Variants in CADPS2 observed in about 807,000 individuals in gnomAD.
CADPS2 encodes calcium dependent secretion activator 2, also known as calcium-dependent secretion activator 2.
CADPS2 carries 93 observed loss-of-function variants against 172.5 expected under a neutral mutation model. The observed-to-expected ratio is 0.54, with a 90% CI of 0.46 to 0.64. The LOEUF (loss-of-function observed/expected upper bound fraction) is 0.64. CADPS2 is among the 30% of genes least tolerant of loss of function. CADPS2 has a pLI of 0.00. For missense variants in CADPS2, 1,420 were observed against 1,565.9 expected (o/e 0.91, Z 1.57); for synonymous variants, 546 against 555.2 (o/e 0.98, Z 0.23).
At chr7:122,588,958 C>T (rs1175243356) in intron 6 of CADPS2, among the ~76,000 whole-genome samples, 1 of 151,900 alleles carries the variant, frequency 6.6e-6, no homozygotes, top group Non-Finnish European at 1.5e-5. Context: ...CATTTTTAAC[C>T]GCATGCCTTC....
At chr7:122,380,638 A>G (rs930085688) in intron 24 of CADPS2, among the ~76,000 whole-genome samples, 1 of 152,104 alleles carries the variant, frequency 6.6e-6, no homozygotes, top group African/African-American at 2.4e-5. Context: ...AGGAAGGATA[A>G]TTTTGGAGTG....
intron 1 of CADPS2, among the ~76,000 whole-genome samples, chr7:122,744,418 G>A (rs538309513): frequency 2.6e-5 from 4 of 152,070 alleles, no homozygotes; most frequent in African/African-American, 9.7e-5. Flanking sequence ...CCTAACCAGA[G>A]GGAAAATACC....
At chr7:122,808,158 C>T (rs2428908) in intron 1 of CADPS2, among the ~76,000 whole-genome samples, 66,554 of 151,752 alleles carry the variant, frequency 0.44, 17,046 homozygotes, top group African/African-American at 0.72. Flanking sequence ...TCACGATTAC[C>T]AGATTGGTTA....
At chr7:122,427,915 A>C (rs1347029098) in intron 17 of CADPS2, among the ~76,000 whole-genome samples, 1 of 152,162 alleles carries the variant, frequency 6.6e-6, no homozygotes, top group Non-Finnish European at 1.5e-5. Context: ...GAATAGCTCT[A>C]TCTCTATCTA....
chr7:122,515,764 ATATG>A (rs2060314293), intron 8 of CADPS2, among the ~76,000 whole-genome samples: 1 of 150,594 alleles, frequency 6.6e-6, no homozygotes, highest in South Asian at 2.1e-4. Flanking sequence ...ACATGTATAT[ATATG>A]TAACTAACCT....
At chr7:122,368,822 C>A (rs2041325666) in intron 25 of CADPS2, among the ~76,000 whole-genome samples, 1 of 152,024 alleles carries the variant, frequency 6.6e-6, no homozygotes, top group Admixed American at 6.6e-5. Context: ...AGGCTCCATG[C>A]AGATATGTGC....
chr7:122,577,521 C>A (rs1203318612), intron 7 of CADPS2, among the ~76,000 whole-genome samples: 1 of 152,114 alleles, frequency 6.6e-6, no homozygotes, highest in Non-Finnish European at 1.5e-5. Flanking sequence ...GAATAGTATT[C>A]CATTGTATGG....
chr7:122,799,299 A>C (rs987623620), intron 1 of CADPS2, among the ~76,000 whole-genome samples: 3 of 152,198 alleles, frequency 2.0e-5, no homozygotes, highest in Admixed American at 2.0e-4. Flanking sequence ...GCATATTTTT[A>C]AGAAGTATAG....
intron 1 of CADPS2, among the ~76,000 whole-genome samples, chr7:122,756,582 T>C (rs141736994): frequency 1.3e-4 from 20 of 152,322 alleles, no homozygotes; most frequent in Non-Finnish European, 1.9e-4. Context: ...CATAATCAGC[T>C]ATTATTTTAA....
intron 24 of CADPS2, among the ~76,000 whole-genome samples, chr7:122,384,863 A>G (rs1170683612): frequency 6.6e-6 from 1 of 152,114 alleles, no homozygotes; most frequent in African/African-American, 2.4e-5. Flanking sequence ...TAAGTACTAC[A>G]GCAAGTTGTT....
rs1304412664 is a variant in CADPS2, at chr7:122,725,909, A to AGATAT, written c.453+11045_453+11046insATATC. Among the ~76,000 whole-genome samples, 1,510 of 152,066 alleles carry AGATAT rather than the reference A, an allele frequency of 9.9e-3. 24 individuals are homozygous for AGATAT. Among genetic ancestry groups the AGATAT allele is most frequent in the African/African-American group, 0.034 (1,405 of 41,530 alleles). ...CTGCAGGACGCCTGGATGACACCTC[A>AGATAT]CAGATAGCAGATACCTATTTACAAG... is the stretch of plus-strand genomic sequence containing the variant. On this transcript the variant is annotated intron_variant, in intron 2 of 29. Coordinates refer to ENST00000449022, the MANE Select transcript of CADPS2 (RefSeq NM_017954.11).
chr7:122,868,707 A>C (rs551286190), intron 1 of CADPS2, among the ~76,000 whole-genome samples: 31 of 152,344 alleles, frequency 2.0e-4, no homozygotes, highest in African/African-American at 6.7e-4. Flanking sequence ...AAATAAAAGA[A>C]CAAGATACAT....
At chr7:122,669,791 C>T (rs1332619003) in intron 2 of CADPS2, among the ~76,000 whole-genome samples, 1 of 151,952 alleles carries the variant, frequency 6.6e-6, no homozygotes, top group Non-Finnish European at 1.5e-5. Flanking sequence ...TTTAGATCTC[C>T]AATATTACCT....
chr7:122,637,165 ATTTTGCTTTTTTTT>A, intron 3 of CADPS2, among the ~76,000 whole-genome samples: 1 of 95,640 alleles, frequency 1.0e-5, no homozygotes, highest in Non-Finnish European at 2.1e-5. Context: ...GCATTATGAA[ATTTTGCTTTTTTTT>A]TTTTTTTTTT....
chr7:122,490,062 A>AT lies in CADPS2; in HGVS notation c.1852+18dup. 1 of 1,607,936 alleles carries AT rather than the reference A, an allele frequency of 6.2e-7. No individual in the cohort carries two copies. On this transcript the variant is annotated intron_variant, in intron 11 of 29. Transcript: ENST00000449022. ...AAGGCTATTAATTGATAATCAAATT[A>AT]TTTTTTAACAAAACTTACAAAGCTG...
At chr7:122,375,902 A>G (rs898743495) in intron 25 of CADPS2, among the ~76,000 whole-genome samples, 12 of 152,088 alleles carry the variant, frequency 7.9e-5, no homozygotes, top group Non-Finnish European at 1.8e-4. Context: ...AGCCAAAAAA[A>G]AAAAATTAAA....
intron 19 of CADPS2, 27 bp downstream of exon 19, chr7:122,414,041 T>C: frequency 6.4e-7 from 1 of 1,552,446 alleles, no homozygotes; most frequent in Non-Finnish European, 8.6e-7. Flanking sequence ...CCTATGCTAA[T>C]AAAATAGTGG....
intron 18 of CADPS2, among the ~76,000 whole-genome samples, chr7:122,415,640 AC>A (rs1242173528): frequency 6.6e-6 from 1 of 151,048 alleles, no homozygotes. Flanking sequence ...AGTGGAAATT[AC>A]CCCTTGGTTT....
At chr7:122,708,520 GATATATATATATATATATAT>G (rs57522086) in intron 2 of CADPS2, among the ~76,000 whole-genome samples, 2,481 of 116,256 alleles carry the variant, frequency 0.021, 50 homozygotes, top group East Asian at 0.064. Flanking sequence ...TTGTATTCGA[GATATATATATATATATATAT>G]ATATATATAT....
Sources: allele counts gnomAD v4.1 joint callset (sites outside exome capture counted in the v4.1 genomes callset), GRCh38; gene constraint gnomAD v4.1.1; transcripts MANE v1.5; gene names NCBI Gene and HGNC (gene_info 2026-07-23, HGNC 2026-07-21).